FOXP1: variants seen among roughly 807,000 people sequenced by gnomAD.
FOXP1 encodes forkhead box protein P1.
A neutral mutation model predicts 98.2 loss-of-function variants in FOXP1; 15 were observed. The observed-to-expected ratio is 0.15, with a 90% CI of 0.10 to 0.24. The LOEUF is 0.24. Ranked by LOEUF, FOXP1 falls within the 10% of genes least tolerant of loss-of-function variation. The probability of loss-of-function intolerance (pLI) is 1.00; values close to 1 mark genes in which losing one functional copy is unlikely to be tolerated. For synonymous variants in FOXP1, 371 were observed against 314.5 expected (o/e 1.18, Z -1.90); for missense variants, 633 against 848.5 (o/e 0.75, Z 3.15).
intron 5 of FOXP1, among the ~76,000 whole-genome samples, chr3:71,225,094 G>A (rs2065731545): frequency 1.3e-5 from 2 of 152,222 alleles, no homozygotes; most frequent in Admixed American, 6.5e-5. Context: ...CATTGGATAA[G>A]GAGTTAAGGC....
Position 71,027,701 on chromosome 3 carries a change from C to G in FOXP1, c.870-12048G>C, listed in dbSNP as rs2046312155. On this transcript the variant is annotated intron_variant, in intron 11 of 20. Transcript: ENST00000649528. ...TATATGAGTCACAATATTAAGATTTCTGTATACACATATTAATATTAGAAC... is the reference window on the plus strand; with the variant it reads ...TATATGAGTCACAATATTAAGATTTGTGTATACACATATTAATATTAGAAC... Among the ~76,000 whole-genome samples, 3 of 152,112 alleles carry G rather than the reference C, an allele frequency of 2.0e-5. No individual in the cohort carries two copies. The South Asian group carries it at 6.2e-4, about 31-fold the overall frequency.
rs1410944476 is a variant in FOXP1 at position 71,077,239 on chromosome 3, C to CTT, written c.283-23468_283-23467dup. Among the ~76,000 whole-genome samples, 4 of 152,174 alleles carry CTT rather than the reference C, an allele frequency of 2.6e-5. No homozygotes were observed. The East Asian group carries it at 7.7e-4, about 29-fold the overall frequency. ...CGGCATAGTCAAGGCTACCACTGAC[C>CTT]TTTCACATGTCACTCCCATTCTGCA... is the stretch of plus-strand genomic sequence containing the variant. On this transcript the variant is annotated intron_variant, in intron 7 of 20. Transcript: ENST00000649528.
chr3:71,418,114 T>TGG lies in FOXP1; in HGVS notation c.-167-58872_-167-58871dup, dbSNP rs556741287. On this transcript the variant is annotated intron_variant, in intron 3 of 20. Transcript: ENST00000649528. ...TCCACAGTGAAATTCTGTGTGCTTG[T>TGG]GGGTGTGTGTGTGTGTGTGTGTGTG... Among the ~76,000 whole-genome samples the TGG allele has an allele frequency of 1.8e-4, 24 of 129,882 alleles. No homozygotes were observed. In the East Asian group the frequency reaches 3.4e-3, roughly 19 times the overall value. 85.2% of individuals were successfully genotyped at this position (129,882 alleles called of 152,430 possible). A position where few individuals can be genotyped will look rare whatever the true frequency, so the allele number is the denominator to read the frequency against.
intron 20 of FOXP1, among the ~76,000 whole-genome samples, chr3:70,959,941 C>T (rs1234498397): frequency 6.6e-6 from 1 of 152,100 alleles, no homozygotes; most frequent in Non-Finnish European, 1.5e-5. Flanking sequence ...GATGAATACC[C>T]ATCTTCAAAT....
At chr3:71,284,805 G>T (rs1354256071) in intron 5 of FOXP1, among the ~76,000 whole-genome samples, 1 of 151,654 alleles carries the variant, frequency 6.6e-6, no homozygotes, top group Non-Finnish European at 1.5e-5. Flanking sequence ...ATACTGTATG[G>T]CTACAACTTT....
At chr3:71,468,730 T>G (rs909247777) in intron 3 of FOXP1, among the ~76,000 whole-genome samples, 1 of 152,136 alleles carries the variant, frequency 6.6e-6, no homozygotes, top group Non-Finnish European at 1.5e-5. Context: ...CCTGGACAAG[T>G]CACTGGCCGT....
In FOXP1 at chr3:70,955,644, T is replaced by G. The variant is rs2031589437; in HGVS notation, c.*3603A>C. The G allele has an allele frequency of 4.3e-6, 1 of 233,560 alleles. No homozygotes were observed. Among genetic ancestry groups the G allele is most frequent in the Non-Finnish European group, 8.5e-6 (1 of 118,010 alleles). 14.5% of individuals were successfully genotyped at this position (233,560 alleles called of 1,614,324 possible). A position where few individuals can be genotyped will look rare whatever the true frequency, so the allele number is the denominator to read the frequency against. ...TTAATCACTACTTCACTGATAAACTTGGAAAAGTGTGACCCTGGAATTTCA... is the reference window on the plus strand; with the variant it reads ...TTAATCACTACTTCACTGATAAACTGGGAAAAGTGTGACCCTGGAATTTCA... On this transcript the variant is annotated 3_prime_UTR_variant, in exon 21 of 21. Transcript: ENST00000649528.
intron 4 of FOXP1, among the ~76,000 whole-genome samples, chr3:71,331,377 C>A (rs1204874425): frequency 4.6e-5 from 7 of 151,354 alleles, no homozygotes; most frequent in Admixed American, 4.6e-4. Context: ...CCCCCCTCCC[C>A]ACCCCCCGCC....
At chr3:71,038,445 G>C (rs931312296) in intron 11 of FOXP1, among the ~76,000 whole-genome samples, 2 of 152,164 alleles carry the variant, frequency 1.3e-5, no homozygotes, top group African/African-American at 2.4e-5. Context: ...ATGCATTGAT[G>C]AGTAAGAGAG....
chr3:71,114,074 T>C (rs1409912634), intron 6 of FOXP1, among the ~76,000 whole-genome samples: 2 of 152,200 alleles, frequency 1.3e-5, no homozygotes, highest in African/African-American at 2.4e-5. Flanking sequence ...AATTTCTATA[T>C]GGTAACCAAA....
intron 3 of FOXP1, among the ~76,000 whole-genome samples, chr3:71,397,075 C>CAT (rs1175241357): frequency 0.013 from 491 of 38,302 alleles, 42 homozygotes; most frequent in Middle Eastern, 0.04. Context: ...TATATATATA[C>CAT]ATATATATGT....
At chr3:71,152,514 AG>A (rs1438075492) in intron 6 of FOXP1, among the ~76,000 whole-genome samples, 1 of 152,196 alleles carries the variant, frequency 6.6e-6, no homozygotes, top group Non-Finnish European at 1.5e-5. Context: ...GTTCCCCCAG[AG>A]GTGGGCTGAG....
intron 5 of FOXP1, among the ~76,000 whole-genome samples, chr3:71,282,500 A>C (rs752695361): frequency 6.6e-6 from 1 of 152,186 alleles, no homozygotes; most frequent in Non-Finnish European, 1.5e-5. Flanking sequence ...GCCGACATTT[A>C]CTGAGCATTT....
intron 20 of FOXP1, among the ~76,000 whole-genome samples, chr3:70,965,041 TG>T (rs1264005133): frequency 6.6e-6 from 1 of 152,162 alleles, no homozygotes; most frequent in African/African-American, 2.4e-5. Flanking sequence ...AAACACGAAA[TG>T]GGTTAGTACC....
intron 4 of FOXP1, among the ~76,000 whole-genome samples, chr3:71,301,511 C>A (rs1024543119): frequency 3.9e-5 from 6 of 152,290 alleles, no homozygotes; most frequent in Admixed American, 3.9e-4. Context: ...CTACTCAATT[C>A]AAAGCAAGAA....
At chr3:71,183,168 T>C (rs2062431858) in intron 6 of FOXP1, among the ~76,000 whole-genome samples, 1 of 152,156 alleles carries the variant, frequency 6.6e-6, no homozygotes, top group Non-Finnish European at 1.5e-5. Context: ...CTGGTGATGA[T>C]GATCATGGCG....
At chr3:71,272,918 G>A (rs1421837681) in intron 5 of FOXP1, among the ~76,000 whole-genome samples, 2 of 152,148 alleles carry the variant, frequency 1.3e-5, no homozygotes, top group Non-Finnish European at 2.9e-5. Context: ...TCAAGGCCAT[G>A]GTCTTCCATG....
At chr3:71,127,574 T>G (rs1453360744) in intron 6 of FOXP1, among the ~76,000 whole-genome samples, 1 of 152,188 alleles carries the variant, frequency 6.6e-6, no homozygotes, top group Non-Finnish European at 1.5e-5. Context: ...TTCTTCATGG[T>G]AAAACACTTT....
At chr3:71,520,164 T>C (rs2042875756) in intron 2 of FOXP1, among the ~76,000 whole-genome samples, 1 of 152,226 alleles carries the variant, frequency 6.6e-6, no homozygotes, top group Admixed American at 6.5e-5. Context: ...TTATTATGAG[T>C]GTCTGAAACA....
Sources: gnomAD v4.1 joint callset for allele counts (sites outside exome capture counted in the v4.1 genomes callset) on GRCh38, gnomAD v4.1.1 for gene constraint, MANE v1.5 for transcripts, NCBI Gene and HGNC (gene_info 2026-07-23, HGNC 2026-07-21) for gene names.